Variants in PKIB observed in about 807,000 individuals in gnomAD.
PKIB encodes the protein cAMP-dependent protein kinase inhibitor beta.
A neutral mutation model predicts 4.5 loss-of-function variants in PKIB; 2 were observed. That is an observed-to-expected ratio of 0.44 (90% confidence interval 0.18 to 1.39). The LOEUF (loss-of-function observed/expected upper bound fraction) is 1.39, where lower values mean the gene tolerates loss of function less well. Among genes scored for constraint, PKIB ranks in the 40% most tolerant of loss-of-function variants. The pLI, the probability that PKIB is intolerant of heterozygous loss-of-function variation, is 0.27. For synonymous variants in PKIB, 38 were observed against 36.0 expected, an observed-to-expected ratio of 1.06 and a Z score of -0.20; for missense variants, 94 against 92.6, an observed-to-expected ratio of 1.02 and a Z score of -0.06.
chr6:122,520,759 CT>C (rs1446619020), intron 2 of PKIB, among the ~76,000 whole-genome samples: 2 of 145,052 alleles, frequency 1.4e-5, no homozygotes, highest in Admixed American at 7.4e-5. Flanking sequence ...TCAAACACGT[CT>C]TTGTTAATTA....
intron 2 of PKIB, among the ~76,000 whole-genome samples, chr6:122,547,627 C>T (rs1419571403): frequency 1.3e-5 from 2 of 151,086 alleles, no homozygotes; most frequent in African/African-American, 2.5e-5. Flanking sequence ...CGTGAGCCAC[C>T]GCGCCCGGCC....
chr6:122,581,237 G>T (rs1773693234), intron 2 of PKIB, among the ~76,000 whole-genome samples: 1 of 152,066 alleles, frequency 6.6e-6, no homozygotes, highest in Non-Finnish European at 1.5e-5. Context: ...GATGTTTCAG[G>T]TCTGAAGCAA....
At chr6:122,721,381 G>T (rs1221600552) in intron 4 of PKIB, among the ~76,000 whole-genome samples, 2 of 152,118 alleles carry the variant, frequency 1.3e-5, no homozygotes, top group Non-Finnish European at 2.9e-5. Flanking sequence ...TGGAATTGCT[G>T]GTTTCAACAT....
At chr6:122,678,578 C>CA (rs1237048346) in intron 3 of PKIB, among the ~76,000 whole-genome samples, 1 of 152,056 alleles carries the variant, frequency 6.6e-6, no homozygotes, top group Non-Finnish European at 1.5e-5. Context: ...CTCTGGAGTG[C>CA]AATTAAGTTC....
At chr6:122,638,886 G>T (rs1776026304) in intron 2 of PKIB, among the ~76,000 whole-genome samples, 1 of 152,078 alleles carries the variant, frequency 6.6e-6, no homozygotes, top group South Asian at 2.1e-4. Context: ...GCCTAAAAGT[G>T]CCTGAAACTA....
At chr6:122,607,860 T>TA (rs1774596486), upstream of PKIB, among the ~76,000 whole-genome samples, 1 of 152,200 alleles carries the variant, frequency 6.6e-6, no homozygotes, top group South Asian at 2.1e-4. Flanking sequence ...TTGATCCACT[T>TA]ACGTTTTTCC....
chr6:122,595,467 TG>T (rs375847036), intron 3 of PKIB, among the ~76,000 whole-genome samples: 234 of 152,264 alleles, frequency 1.5e-3, no homozygotes, highest in Admixed American at 3.1e-3. Flanking sequence ...ATCATGACAG[TG>T]GATAAGGCAT....
At chr6:122,507,401 C>T (rs561687783) in intron 2 of PKIB, among the ~76,000 whole-genome samples, 77 of 152,286 alleles carry the variant, frequency 5.1e-4, no homozygotes, top group African/African-American at 1.6e-3. Flanking sequence ...GGACATATAT[C>T]TAATAGGTAT....
intron 2 of PKIB, among the ~76,000 whole-genome samples, chr6:122,669,019 A>G (rs1777343337): frequency 6.6e-6 from 1 of 152,200 alleles, no homozygotes; most frequent in South Asian, 2.1e-4. Flanking sequence ...GTTTGAGACC[A>G]GCCTGGAAAA....
intron 2 of PKIB, among the ~76,000 whole-genome samples, chr6:122,491,143 G>T (rs1041804383): frequency 6.6e-6 from 1 of 152,144 alleles, no homozygotes; most frequent in Non-Finnish European, 1.5e-5. Flanking sequence ...ACAAGTGTGG[G>T]GTTTGACCTT....
intron 1 of PKIB, among the ~76,000 whole-genome samples, chr6:122,616,982 G>T (rs1290608294): frequency 1.3e-5 from 2 of 152,126 alleles, no homozygotes; most frequent in Non-Finnish European, 2.9e-5. Context: ...AAGTTTGATT[G>T]ATGCTTATTT....
At position 122,717,789 on chromosome 6, in the gene PKIB, G is replaced by GT; in HGVS notation, c.-4dup. 1 of 1,613,734 alleles carries GT rather than the reference G, an allele frequency of 6.2e-7. No individual in the cohort carries two copies. Among genetic ancestry groups the GT allele is most frequent in the Non-Finnish European group, 8.5e-7 (1 of 1,179,766 alleles). On this transcript the variant is annotated 5_prime_UTR_variant, in exon 4 of 5. Coordinates refer to ENST00000368452, the MANE Select transcript of PKIB (RefSeq NM_181795.3). The stretch of plus-strand genomic sequence containing the variant: ...TCATATGCACATTCTATTTGTAGAT[G>GT]TTGCTATGAGGACAGATTCATCAAA...
intron 3 of PKIB, among the ~76,000 whole-genome samples, chr6:122,711,562 A>C (rs1779274065): frequency 6.6e-6 from 1 of 152,186 alleles, no homozygotes; most frequent in Non-Finnish European, 1.5e-5. Flanking sequence ...ATGTTGAATA[A>C]GTCTTTCTAG....
intron 2 of PKIB, among the ~76,000 whole-genome samples, chr6:122,520,302 C>T (rs1776893817): frequency 6.6e-6 from 1 of 152,008 alleles, no homozygotes; most frequent in African/African-American, 2.4e-5. Flanking sequence ...AGAGTAGGTA[C>T]ACATTAAATA....
chr6:122,514,418 G>A (rs1776683117), intron 2 of PKIB, among the ~76,000 whole-genome samples: 1 of 152,086 alleles, frequency 6.6e-6, no homozygotes, highest in Non-Finnish European at 1.5e-5. Context: ...AGGCCACAAA[G>A]AAGTCATACT....
At chr6:122,505,437 G>T (rs1776368082) in intron 2 of PKIB, among the ~76,000 whole-genome samples, 1 of 152,016 alleles carries the variant, frequency 6.6e-6, no homozygotes, top group Non-Finnish European at 1.5e-5. Context: ...TTGTTATTAT[G>T]GTTTGTTTGT....
intron 2 of PKIB, among the ~76,000 whole-genome samples, chr6:122,652,574 T>C (rs1363768007): frequency 6.6e-6 from 1 of 152,170 alleles, no homozygotes; most frequent in African/African-American, 2.4e-5. Flanking sequence ...TACATATATC[T>C]ACAAAATTCC....
At chr6:122,615,360 G>A (rs1222979299) in intron 1 of PKIB, among the ~76,000 whole-genome samples, 2 of 152,144 alleles carry the variant, frequency 1.3e-5, no homozygotes, top group East Asian at 3.9e-4. Flanking sequence ...AATTAGGGAT[G>A]AGGAAAAGTA....
chr6:122,504,445 A>G (rs1776338851), intron 2 of PKIB, among the ~76,000 whole-genome samples: 1 of 152,176 alleles, frequency 6.6e-6, no homozygotes, highest in Admixed American at 6.5e-5. Flanking sequence ...TACTTATACC[A>G]TTAGGTGATT....
Sources: allele counts gnomAD v4.1 joint callset (sites outside exome capture counted in the v4.1 genomes callset), GRCh38; gene constraint gnomAD v4.1.1; transcripts MANE v1.5; gene names NCBI Gene and HGNC (gene_info 2026-07-23, HGNC 2026-07-21).